NFIB: variants seen among roughly 807,000 people sequenced by gnomAD.
NFIB encodes nuclear factor 1 B-type.
NFIB carries 11 observed loss-of-function variants against 61.5 expected under a neutral mutation model. That is an observed-to-expected ratio of 0.18 (90% CI 0.11 to 0.30). NFIB has a LOEUF of 0.30. Among genes scored for constraint, NFIB ranks in the 10% least tolerant of loss-of-function variants. The pLI, the probability that NFIB is intolerant of heterozygous loss-of-function variation, is 1.00. For synonymous variants in NFIB, 260 were observed against 216.5 expected, an observed-to-expected ratio of 1.20 and a Z score of -1.76; for missense variants, 471 against 608.9, an observed-to-expected ratio of 0.77 and a Z score of 2.38.
intron 2 of NFIB, among the ~76,000 whole-genome samples, chr9:14,197,486 A>G (rs1178113911): frequency 6.6e-6 from 1 of 152,256 alleles, no homozygotes; most frequent in Non-Finnish European, 1.5e-5. Flanking sequence ...TCCGATATAG[A>G]AAAGAAAATT....
At chr9:14,138,417 G>T (rs1240480486) in intron 6 of NFIB, among the ~76,000 whole-genome samples, 10 of 151,974 alleles carry the variant, frequency 6.6e-5, no homozygotes, top group African/African-American at 2.2e-4. Context: ...ATAATCTATG[G>T]ACTAAATTTG....
intron 2 of NFIB, among the ~76,000 whole-genome samples, chr9:14,297,426 G>A (rs2059505708): frequency 6.6e-6 from 1 of 152,178 alleles, no homozygotes; most frequent in South Asian, 2.1e-4. Flanking sequence ...TATGATTCTG[G>A]ATTATCAACA....
At chr9:14,117,100 GTAAAT>G (rs1310379016) in intron 8 of NFIB, among the ~76,000 whole-genome samples, 2 of 152,174 alleles carry the variant, frequency 1.3e-5, no homozygotes, top group Admixed American at 6.5e-5. Context: ...GATTTCCAAA[GTAAAT>G]TAAACTGTAC....
chr9:14,140,818 C>T (rs1275946703), intron 6 of NFIB, among the ~76,000 whole-genome samples: 1 of 152,078 alleles, frequency 6.6e-6, no homozygotes, highest in Non-Finnish European at 1.5e-5. Context: ...CCTGTAGTCC[C>T]AGCTACCTGT....
chr9:14,437,487 T>C, the NFIB span, among the ~76,000 whole-genome samples: 12 of 152,182 alleles, frequency 7.9e-5, no homozygotes, highest in African/African-American at 2.4e-4. Flanking sequence ...TCCCCAAAGA[T>C]TGTTGACTTC....
chr9:14,397,131 A>G (rs2061695100), intron 1 of NFIB, among the ~76,000 whole-genome samples: 1 of 152,206 alleles, frequency 6.6e-6, no homozygotes, highest in South Asian at 2.1e-4. Context: ...TTCTTTAAGT[A>G]AAAAGCCCAC....
chr9:14,297,598 CTACTGCT>C (rs1372542273), intron 2 of NFIB, among the ~76,000 whole-genome samples: 4 of 152,206 alleles, frequency 2.6e-5, no homozygotes, highest in Non-Finnish European at 5.9e-5. Context: ...ATGCAGAAAT[CTACTGCT>C]TTTTTCCCAG....
the NFIB span, among the ~76,000 whole-genome samples, chr9:14,468,467 T>A: frequency 1.3e-5 from 2 of 152,208 alleles, no homozygotes; most frequent in Non-Finnish European, 2.9e-5. Flanking sequence ...CATTCTTTGT[T>A]AGCTGGTACC....
At chr9:14,419,462 A>G in the NFIB span, among the ~76,000 whole-genome samples, 1 of 152,180 alleles carries the variant, frequency 6.6e-6, no homozygotes, top group East Asian at 1.9e-4. Context: ...CTTCACCGGC[A>G]TGTGACCTGG....
Position 14,149,784 on chromosome 9 carries a change from T to G in NFIB, c.806+361A>C, listed in dbSNP as rs567373720. Among the ~76,000 whole-genome samples the G allele has an allele frequency of 1.8e-4, 28 of 152,308 alleles. No individual in the cohort carries two copies. In the South Asian group the frequency reaches 5.4e-3, roughly 29 times the overall value. ...TTAGATGTAATATTTGGGTAAAAGT[T>G]ACCAGGAATCAGTTATAAACCAGAG... On this transcript the variant is annotated intron_variant, in intron 5 of 10. Transcript: ENST00000380953.
the NFIB span, among the ~76,000 whole-genome samples, chr9:14,530,788 GC>G: frequency 6.6e-6 from 1 of 151,972 alleles, no homozygotes; most frequent in Non-Finnish European, 1.5e-5. Flanking sequence ...AGAATAAAGT[GC>G]CCATTGTCTT....
chr9:14,248,210 T>C (rs1164976842), intron 2 of NFIB, among the ~76,000 whole-genome samples: 1 of 150,760 alleles, frequency 6.6e-6, no homozygotes, highest in Admixed American at 6.6e-5. Context: ...TTTCTTTCCT[T>C]CTTTCCTCCC....
chr9:14,439,715 C>A, the NFIB span, among the ~76,000 whole-genome samples: 2 of 152,052 alleles, frequency 1.3e-5, no homozygotes, highest in Non-Finnish European at 2.9e-5. Flanking sequence ...GAGTTGGACA[C>A]CAGATGGGCC....
chr9:14,306,369 A>C (rs1295361479), intron 2 of NFIB, among the ~76,000 whole-genome samples: 1 of 152,248 alleles, frequency 6.6e-6, no homozygotes, highest in African/African-American at 2.4e-5. Flanking sequence ...AATTCCATTT[A>C]ATCGACAGTG....
chr9:14,220,107 G>C (rs2051460967), intron 2 of NFIB, among the ~76,000 whole-genome samples: 1 of 152,208 alleles, frequency 6.6e-6, no homozygotes, highest in Non-Finnish European at 1.5e-5. Context: ...ACAGGCTGTG[G>C]TCTGATGGGC....
intron 6 of NFIB, among the ~76,000 whole-genome samples, chr9:14,144,974 T>C (rs2042125827): frequency 6.6e-6 from 1 of 152,212 alleles, no homozygotes; most frequent in African/African-American, 2.4e-5. Context: ...ATTCCCATTT[T>C]TTCCTGAGAG....
chr9:14,116,258 G>C lies in NFIB; in HGVS notation c.1334C>G (p.Pro445Arg), dbSNP rs2038117854. Residue 445 changes from proline (P) to arginine (R), a missense_variant, in exon 9 of 11, where the codon CCT (proline) becomes CGT (arginine). Coordinates refer to ENST00000380953, the MANE Select transcript of NFIB (RefSeq NM_001190737.2). The stretch of plus-strand genomic sequence containing the variant: ...AGTATCTGTCATGCTCAGGGTCACA[G>C]GTCGCACTGCACTGGGATGGGGAGA... ...APSPHPSAVR[P>R]VTLSMTDTKP... 6.5e-7 allele frequency: 1 copy of C among 1,538,816 alleles called. No homozygotes were observed. Among genetic ancestry groups the C allele is most frequent in the Non-Finnish European group, 8.8e-7 (1 of 1,140,534 alleles).
chr9:14,393,866 TC>T (rs1466867412), intron 1 of NFIB, among the ~76,000 whole-genome samples: 2 of 152,258 alleles, frequency 1.3e-5, no homozygotes, highest in Admixed American at 6.5e-5. Flanking sequence ...GAGTCAGTCA[TC>T]TTTTCTTTTT....
chr9:14,172,320 G>A (rs1387878697), intron 3 of NFIB, among the ~76,000 whole-genome samples: 1 of 152,154 alleles, frequency 6.6e-6, no homozygotes, highest in African/African-American at 2.4e-5. Flanking sequence ...AAGTTGGTAG[G>A]TAGGAATCAG....
Sources: allele counts gnomAD v4.1 joint callset (sites outside exome capture counted in the v4.1 genomes callset), GRCh38; gene constraint gnomAD v4.1.1; transcripts MANE v1.5; gene names NCBI Gene and HGNC (gene_info 2026-07-23, HGNC 2026-07-21).